Variants in TRDN observed in about 807,000 individuals in gnomAD.
TRDN encodes triadin in skeletal muscle.
In TRDN, 161 loss-of-function variants were observed where a neutral mutation model predicts 149.7. The ratio of observed to expected loss-of-function variants is 1.08; its 90% confidence interval spans 0.95 to 1.23. The LOEUF (loss-of-function observed/expected upper bound fraction) is 1.23. Ranked by LOEUF, TRDN falls within the 50% of genes most tolerant of loss-of-function variation. The probability of loss-of-function intolerance (pLI) is 0.00; values close to 1 mark genes in which losing one functional copy is unlikely to be tolerated. For missense variants in TRDN, 896 were observed against 823.5 expected (o/e 1.09, Z -1.08); for synonymous variants, 294 against 250.5 (o/e 1.17, Z -1.64).
chr6:123,591,800 G>A (rs1036816119), intron 1 of TRDN, among the ~76,000 whole-genome samples: 10 of 152,266 alleles, frequency 6.6e-5, no homozygotes, highest in African/African-American at 2.2e-4. Flanking sequence ...GCTCCTTTAT[G>A]TGCTTCTGAA....
At chr6:123,227,104 G>A (rs1775405177) in intron 38 of TRDN, among the ~76,000 whole-genome samples, 1 of 151,774 alleles carries the variant, frequency 6.6e-6, no homozygotes, top group Non-Finnish European at 1.5e-5. Flanking sequence ...TTCATAGCTA[G>A]TCAAGGTTGC....
intron 1 of TRDN, among the ~76,000 whole-genome samples, chr6:123,635,323 A>AACACACAC (rs141018949): frequency 0.015 from 2,189 of 147,252 alleles, 43 homozygotes; most frequent in African/African-American, 0.048. Flanking sequence ...CAGAAAAGAA[A>AACACACAC]ACACACACAC....
At chr6:123,396,313 C>T (rs377660444) in intron 12 of TRDN, among the ~76,000 whole-genome samples, 1 of 152,140 alleles carries the variant, frequency 6.6e-6, no homozygotes, top group Non-Finnish European at 1.5e-5. Flanking sequence ...ATGAGCCCAC[C>T]GTTTCCAACA....
chr6:123,546,751 A>G (rs1281750487), intron 4 of TRDN, among the ~76,000 whole-genome samples: 1 of 151,920 alleles, frequency 6.6e-6, no homozygotes, highest in Admixed American at 6.6e-5. Context: ...GGTTGTGACC[A>G]CTTCACTCAG....
intron 1 of TRDN, among the ~76,000 whole-genome samples, chr6:123,616,582 A>G (rs144756786): frequency 6.6e-6 from 1 of 152,154 alleles, no homozygotes; most frequent in African/African-American, 2.4e-5. Flanking sequence ...TGTATGTATG[A>G]TTTCTTACCA....
At chr6:123,510,525 G>A (rs1243181158) in intron 7 of TRDN, among the ~76,000 whole-genome samples, 1 of 151,816 alleles carries the variant, frequency 6.6e-6, no homozygotes, top group Non-Finnish European at 1.5e-5. Context: ...TATTCAATAT[G>A]CCAAAATATC....
At chr6:123,630,213 C>T (rs913518766) in intron 1 of TRDN, among the ~76,000 whole-genome samples, 3 of 151,906 alleles carry the variant, frequency 2.0e-5, no homozygotes, top group East Asian at 1.9e-4. Context: ...TTTAAAAATA[C>T]ATTAAACATG....
chr6:123,432,036 A>G (rs1411436610), intron 12 of TRDN, among the ~76,000 whole-genome samples: 1 of 152,172 alleles, frequency 6.6e-6, no homozygotes, highest in Non-Finnish European at 1.5e-5. Context: ...TGATGGAAAT[A>G]GATACGAATG....
At chr6:123,455,017 CTG>C (rs1415651585) in intron 10 of TRDN, among the ~76,000 whole-genome samples, 1 of 152,168 alleles carries the variant, frequency 6.6e-6, no homozygotes, top group Non-Finnish European at 1.5e-5. Context: ...TAGATATACT[CTG>C]TGAAAAACTT....
intron 40 of TRDN, among the ~76,000 whole-genome samples, chr6:123,219,284 TC>T (rs1775057714): frequency 6.6e-6 from 1 of 151,806 alleles, no homozygotes; most frequent in Non-Finnish European, 1.5e-5. Context: ...AGGTAGCAGC[TC>T]TGAGTAGAAA....
chr6:123,575,436 A>G (rs1782804091), intron 1 of TRDN, among the ~76,000 whole-genome samples: 3 of 152,104 alleles, frequency 2.0e-5, no homozygotes. Flanking sequence ...ATGTTTGAGA[A>G]GCACTTTAAA....
intron 33 of TRDN, among the ~76,000 whole-genome samples, chr6:123,264,818 C>T (rs1334862133): frequency 6.6e-6 from 1 of 152,034 alleles, no homozygotes; most frequent in African/African-American, 2.4e-5. Context: ...TTACAACTTG[C>T]TGGTTTCAGA....
chr6:123,446,584 CAAAAAAAA>C (rs572029827), intron 10 of TRDN, among the ~76,000 whole-genome samples: 829 of 61,094 alleles, frequency 0.014, 25 homozygotes, highest in African/African-American at 0.047. Flanking sequence ...GATTCCATCT[CAAAAAAAA>C]AAAAAAAAAA....
chr6:123,289,397 G>A (rs191313006), intron 24 of TRDN, among the ~76,000 whole-genome samples: 1 of 152,050 alleles, frequency 6.6e-6, no homozygotes, highest in East Asian at 1.9e-4. Context: ...GGAGGAATAA[G>A]TTTTAGTAAT....
intron 24 of TRDN, among the ~76,000 whole-genome samples, chr6:123,314,123 A>C (rs1337092179): frequency 6.6e-6 from 1 of 152,138 alleles, no homozygotes; most frequent in African/African-American, 2.4e-5. Context: ...AACATCCAGC[A>C]TCTATAAGGA....
intron 37 of TRDN, among the ~76,000 whole-genome samples, chr6:123,254,532 G>T (rs943383806): frequency 2.0e-5 from 3 of 151,784 alleles, no homozygotes; most frequent in African/African-American, 7.3e-5. Flanking sequence ...AAATTATGTT[G>T]CCAAGGCTAC....
At chr6:123,239,409 T>C (rs1397817652) in intron 38 of TRDN, among the ~76,000 whole-genome samples, 2 of 152,122 alleles carry the variant, frequency 1.3e-5, no homozygotes, top group Non-Finnish European at 2.9e-5. Flanking sequence ...TTAAGCTTGA[T>C]TTAACGGCTA....
At chr6:123,369,611 C>T (rs1041615895) in intron 19 of TRDN, among the ~76,000 whole-genome samples, 1 of 152,098 alleles carries the variant, frequency 6.6e-6, no homozygotes, top group Non-Finnish European at 1.5e-5. Flanking sequence ...TATTCTCTTC[C>T]CTCCTTAAAC....
In TRDN at chr6:123,269,831, A is replaced by T. The variant is rs769407744; in HGVS notation, c.1738+18T>A. ...GGTCAAGCGATATTTCTCAGGTGTT[A>T]TTCTATTCATCTCTTACTTGTTGGT... On this transcript the variant is annotated intron_variant, in intron 31 of 40. Transcript: ENST00000334268. 1 of 1,609,458 alleles carries T rather than the reference A, an allele frequency of 6.2e-7. No individual in the cohort carries two copies. The highest frequency in any genetic ancestry group is 8.5e-7 in the Non-Finnish European group (1 of 1,177,520).
Sources: gnomAD v4.1 joint callset for allele counts (sites outside exome capture counted in the v4.1 genomes callset) on GRCh38, gnomAD v4.1.1 for gene constraint, MANE v1.5 for transcripts, NCBI Gene and HGNC (gene_info 2026-07-23, HGNC 2026-07-21) for gene names.